The following KCNIP4 variants were observed in gnomAD, a reference collection of about 807,000 sequenced individuals.
KCNIP4 encodes the protein potassium voltage-gated channel interacting protein 4, also known as Kv channel-interacting protein 4.
A neutral mutation model predicts 34.0 loss-of-function variants in KCNIP4; 12 were observed. That is an observed-to-expected ratio of 0.35 (90% CI 0.23 to 0.57). The LOEUF is 0.57. KCNIP4 is among the 20% of genes least tolerant of loss of function. The probability of loss-of-function intolerance (pLI) is 0.83; values close to 1 mark genes in which losing one functional copy is unlikely to be tolerated. For missense variants in KCNIP4, 238 were observed against 311.7 expected, an observed-to-expected ratio of 0.76 and a Z score of 1.78; for synonymous variants, 124 against 102.2, an observed-to-expected ratio of 1.21 and a Z score of -1.29.
At chr4:21,759,500 T>C (rs1020835710) in intron 1 of KCNIP4, among the ~76,000 whole-genome samples, 1 of 152,184 alleles carries the variant, frequency 6.6e-6, no homozygotes, top group Non-Finnish European at 1.5e-5. Context: ...AGTCAAAGAA[T>C]CCTAGAACCT....
chr4:21,847,585 A>T (rs1339733502), intron 1 of KCNIP4: 1 of 152,204 alleles, frequency 6.6e-6, no homozygotes, highest in African/African-American at 2.4e-5. Flanking sequence ...AGTACTTCAT[A>T]TGTGTAACGA....
At chr4:20,785,328 C>CT (rs60704201) in intron 3 of KCNIP4, among the ~76,000 whole-genome samples, 17,096 of 136,238 alleles carry the variant, frequency 0.13, 1,528 homozygotes, top group African/African-American at 0.26. Flanking sequence ...ATTTTTTTTT[C>CT]TTTTTTTTTT....
chr4:20,857,974 C>T (rs943221309), intron 2 of KCNIP4, among the ~76,000 whole-genome samples: 1 of 151,638 alleles, frequency 6.6e-6, no homozygotes, highest in Admixed American at 6.6e-5. Flanking sequence ...TTTGAGAGGC[C>T]GACGTGGGTG....
At chr4:21,821,470 G>A (rs1722349877) in intron 1 of KCNIP4, among the ~76,000 whole-genome samples, 1 of 152,148 alleles carries the variant, frequency 6.6e-6, no homozygotes, top group Admixed American at 6.6e-5. Context: ...TTTCAGAAAT[G>A]TTACCCGCAG....
chr4:20,991,869 G>T (rs952170782), intron 1 of KCNIP4, among the ~76,000 whole-genome samples: 1 of 152,116 alleles, frequency 6.6e-6, no homozygotes, highest in Non-Finnish European at 1.5e-5. Flanking sequence ...TTGGGCCAGG[G>T]CCTTGCTGCC....
chr4:21,014,144 T>C, intron 1 of KCNIP4, among the ~76,000 whole-genome samples: 1 of 152,230 alleles, frequency 6.6e-6, no homozygotes, highest in Non-Finnish European at 1.5e-5. Flanking sequence ...ATCATATAAT[T>C]GCTTCTACCT....
intron 1 of KCNIP4, among the ~76,000 whole-genome samples, chr4:21,128,207 G>C (rs1484161256): frequency 1.3e-5 from 2 of 152,188 alleles, no homozygotes; most frequent in Non-Finnish European, 2.9e-5. Flanking sequence ...AGCTTTCATA[G>C]AGAGTAAAAG....
At position 21,291,945 on chromosome 4, in the gene KCNIP4, G is replaced by A. The variant is rs28703014; in HGVS notation, c.62-409236C>T. ...AAAGAAAGAAAGAAAGAAAAAAAAA[G>A]AAAAAAGTCTGATGAATAAATCTTC... On this transcript the variant is annotated intron_variant, in intron 1 of 8. Coordinates refer to ENST00000382152, the MANE Select transcript of KCNIP4 (RefSeq NM_025221.6). 2.0e-4 allele frequency among the ~76,000 whole-genome samples: 21 copies of A among 106,088 alleles called. 3 individuals carry two copies. Among genetic ancestry groups the A allele is most frequent in the South Asian group, 6.5e-4 (2 of 3,072 alleles). The allele number at this position is 106,088 out of a possible 152,430, so 69.6% of individuals were successfully genotyped here.
At chr4:21,617,463 T>C (rs1181713097) in intron 1 of KCNIP4, among the ~76,000 whole-genome samples, 2 of 152,190 alleles carry the variant, frequency 1.3e-5, no homozygotes, top group Non-Finnish European at 1.5e-5. Flanking sequence ...TTTCCTTTAA[T>C]TTCCCTAATG....
At chr4:21,677,231 T>A (rs1339634313) in intron 1 of KCNIP4, among the ~76,000 whole-genome samples, 3 of 152,192 alleles carry the variant, frequency 2.0e-5, no homozygotes, top group Non-Finnish European at 2.9e-5. Flanking sequence ...ATATTACACA[T>A]CCAAAGGCTT....
At position 21,354,528 on chromosome 4, in the gene KCNIP4, A is replaced by G. The variant is rs545980498; in HGVS notation, c.62-471819T>C. On this transcript the variant is annotated intron_variant, in intron 1 of 8. Coordinates refer to ENST00000382152, the MANE Select transcript of KCNIP4 (RefSeq NM_025221.6). ...CTCTGATAAAATAGGCTTTAAACCA[A>G]CAAAGATCGAAAGAGACAAAGAAGG... is the stretch of plus-strand genomic sequence containing the variant. 9.2e-5 allele frequency among the ~76,000 whole-genome samples: 14 copies of G among 152,318 alleles called. No homozygotes were observed. In the East Asian group the frequency reaches 2.7e-3, roughly 29 times the overall value.
intron 1 of KCNIP4, among the ~76,000 whole-genome samples, chr4:21,768,836 T>C (rs998676528): frequency 1.3e-5 from 2 of 152,164 alleles, no homozygotes; most frequent in East Asian, 1.9e-4. Context: ...TTGGGTTATA[T>C]GATGTTTATC....
intron 1 of KCNIP4, among the ~76,000 whole-genome samples, chr4:21,611,686 G>A (rs1011866802): frequency 1.3e-5 from 2 of 151,872 alleles, no homozygotes; most frequent in Non-Finnish European, 2.9e-5. Flanking sequence ...CTTTCATCAT[G>A]GCAAGAGGTG....
chr4:21,203,147 G>A (rs1356203259), intron 1 of KCNIP4, among the ~76,000 whole-genome samples: 2 of 152,216 alleles, frequency 1.3e-5, no homozygotes, highest in East Asian at 1.9e-4. Context: ...ATTGGCTTGT[G>A]CCACCCACTT....
chr4:20,790,335 C>T (rs1456081533), intron 3 of KCNIP4, among the ~76,000 whole-genome samples: 1 of 152,094 alleles, frequency 6.6e-6, no homozygotes, highest in African/African-American at 2.4e-5. Flanking sequence ...CATTGCTGTA[C>T]ACTACTGTAG....
At position 21,528,773 on chromosome 4, in the gene KCNIP4, AAGAAAGG is replaced by A. The variant is rs1736342284; in HGVS notation, c.61+419791_61+419797del. ...AAAGAAAGAAAGAAAGAAAGAAAGAAAGAAAGGAAGAAAGGAAGAAAGGAAGAAAGGA... is the reference window on the plus strand; with the variant it reads ...AAAGAAAGAAAGAAAGAAAGAAAGAAAAGAAAGGAAGAAAGGAAGAAAGGA... On this transcript the variant is annotated intron_variant, in intron 1 of 8. Coordinates refer to ENST00000382152, the MANE Select transcript of KCNIP4 (RefSeq NM_025221.6). Among the ~76,000 whole-genome samples, 2 of 13,486 alleles carry A rather than the reference AAGAAAGG, an allele frequency of 1.5e-4. 1 individual carries two copies. Among genetic ancestry groups the A allele is most frequent in the African/African-American group, 6.1e-4 (2 of 3,284 alleles). The allele number at this position is 13,486 out of a possible 152,430, so 8.8% of individuals were successfully genotyped here.
At chr4:21,518,645 C>T (rs1734981516) in intron 1 of KCNIP4, among the ~76,000 whole-genome samples, 4 of 152,052 alleles carry the variant, frequency 2.6e-5, no homozygotes, top group Admixed American at 2.6e-4. Flanking sequence ...GGAGAAGAGT[C>T]ATTTTTCATC....
At chr4:21,349,961 C>T (rs934272129) in intron 1 of KCNIP4, among the ~76,000 whole-genome samples, 2 of 152,166 alleles carry the variant, frequency 1.3e-5, no homozygotes, top group Non-Finnish European at 2.9e-5. Flanking sequence ...CTAGAAAACA[C>T]TCCTGTGGGT....
chr4:20,731,244 T>G (rs955176864), intron 8 of KCNIP4: 19 of 299,580 alleles, frequency 6.3e-5, no homozygotes, highest in African/African-American at 4.1e-4. Context: ...TAACTTAATT[T>G]TTTTTTGTAG....
Sources: allele counts gnomAD v4.1 joint callset (sites outside exome capture counted in the v4.1 genomes callset), GRCh38; gene constraint gnomAD v4.1.1; transcripts MANE v1.5; gene names NCBI Gene and HGNC (gene_info 2026-07-23, HGNC 2026-07-21).